The following KCNK10 variants were observed in gnomAD, a reference collection of about 807,000 sequenced individuals.
KCNK10 encodes the protein potassium channel subfamily K member 10.
A neutral mutation model predicts 47.7 loss-of-function variants in KCNK10; 25 were observed. The ratio of observed to expected loss-of-function variants is 0.52; its 90% CI spans 0.38 to 0.73. The LOEUF (loss-of-function observed/expected upper bound fraction) is 0.73, where lower values mean the gene tolerates loss of function less well. Ranked by LOEUF, KCNK10 falls within the 30% of genes least tolerant of loss-of-function variation. The pLI is 0.00. For synonymous variants in KCNK10, 303 were observed against 285.6 expected, an observed-to-expected ratio of 1.06 and a Z score of -0.61; for missense variants, 563 against 714.5, an observed-to-expected ratio of 0.79 and a Z score of 2.42.
At chr14:88,211,509 T>G (rs920581580) in intron 4 of KCNK10, among the ~76,000 whole-genome samples, 3 of 148,452 alleles carry the variant, frequency 2.0e-5, no homozygotes, top group African/African-American at 4.9e-5. Context: ...AATTTTATGT[T>G]GTGCACACTT....
rs553378213 is a variant in KCNK10 at position 88,277,534 on chromosome 14, C to T, written c.53-13983G>A. 9.2e-5 allele frequency among the ~76,000 whole-genome samples: 14 copies of T among 152,264 alleles called. No homozygotes were observed. The East Asian group carries it at 2.7e-3, about 29-fold the overall frequency. The stretch of plus-strand genomic sequence containing the variant: ...ATTCCTCATGGGGCTAGGGAGACAG[C>T]AATGTAGAAAACCTACAAATCCATT... On this transcript the variant is annotated intron_variant, in intron 1 of 6. Coordinates refer to ENST00000319231, the MANE Select transcript of KCNK10 (RefSeq NM_138317.3).
intron 1 of KCNK10, among the ~76,000 whole-genome samples, chr14:88,316,184 G>A (rs1281389255): frequency 6.6e-6 from 1 of 151,994 alleles, no homozygotes; most frequent in Non-Finnish European, 1.5e-5. Flanking sequence ...GGAAAAGAAT[G>A]CAATGCTCCC....
chr14:88,191,695 C>T (rs1417057301), intron 5 of KCNK10, among the ~76,000 whole-genome samples: 1 of 152,112 alleles, frequency 6.6e-6, no homozygotes, highest in Non-Finnish European at 1.5e-5. Flanking sequence ...AATCCATGAG[C>T]TTATATTCCC....
chr14:88,208,146 G>A (rs542499676), intron 4 of KCNK10, among the ~76,000 whole-genome samples: 72 of 152,272 alleles, frequency 4.7e-4, no homozygotes, highest in Non-Finnish European at 9.6e-4. Flanking sequence ...AGAAAATTTG[G>A]TTGGTGGGTT....
intron 1 of KCNK10, among the ~76,000 whole-genome samples, chr14:88,296,322 G>A (rs1887983445): frequency 6.6e-6 from 1 of 152,100 alleles, no homozygotes; most frequent in Non-Finnish European, 1.5e-5. Context: ...CCCTCTCTGA[G>A]CCCCAGTTTT....
At chr14:88,226,054 A>G (rs1885974078) in intron 4 of KCNK10, among the ~76,000 whole-genome samples, 1 of 152,246 alleles carries the variant, frequency 6.6e-6, no homozygotes, top group African/African-American at 2.4e-5. Context: ...CCTGCCCATG[A>G]GGGCTTCTCT....
intron 1 of KCNK10, among the ~76,000 whole-genome samples, chr14:88,308,702 C>T (rs1327757179): frequency 6.6e-6 from 1 of 152,200 alleles, no homozygotes; most frequent in Non-Finnish European, 1.5e-5. Context: ...GACACAAACT[C>T]CAGTCTCGTC....
Position 88,263,526 on chromosome 14 carries a change from C to A in KCNK10, c.78G>T (p.Val26=), listed in dbSNP as rs780369032. 1.2e-5 allele frequency: 19 copies of A among 1,612,256 alleles called. No homozygotes were observed. The highest frequency in any genetic ancestry group is 2.5e-6 in the Non-Finnish European group (3 of 1,179,884). The change falls in exon 2 of 7, where the codon GTG becomes GTT. Residue 26 remains valine, a synonymous_variant. Transcript: ENST00000319231. ...PKVAVPAAAP[V]CQPKSATNGQ... ...CGTTAGTGGCGCTCTTGGGCTGGCACACCGGTGCTGCTGCGGGAACGGCCA... is the reference window on the plus strand; with the variant it reads ...CGTTAGTGGCGCTCTTGGGCTGGCAAACCGGTGCTGCTGCGGGAACGGCCA...
chr14:88,287,674 GGTGT>G (rs199702993), intron 1 of KCNK10, among the ~76,000 whole-genome samples: 8,569 of 141,268 alleles, frequency 0.061, 479 homozygotes, highest in African/African-American at 0.15. Context: ...AGTATTCCAT[GGTGT>G]GTGTGTGTGT....
rs1476138061 is a variant in KCNK10 at position 88,232,290 on chromosome 14, A to T, written c.521-4755T>A. Among the ~76,000 whole-genome samples, 3 of 152,230 alleles carry T rather than the reference A, an allele frequency of 2.0e-5. No individual in the cohort carries two copies. In the East Asian group the frequency reaches 5.8e-4, roughly 29 times the overall value. ...GCAATATTACGTTGCAAATTTTATG[A>T]TCGCAAGGGAACAGGCCAATATTTG... is the stretch of plus-strand genomic sequence containing the variant. On this transcript the variant is annotated intron_variant, in intron 3 of 6. Transcript: ENST00000319231.
intron 3 of KCNK10, among the ~76,000 whole-genome samples, chr14:88,231,830 A>G: frequency 6.6e-6 from 1 of 152,218 alleles, no homozygotes; most frequent in East Asian, 1.9e-4. Context: ...ATCTCAGCAC[A>G]AGAAAAACCT....
chr14:88,261,608 G>A (rs1887113416), intron 2 of KCNK10, among the ~76,000 whole-genome samples: 1 of 152,128 alleles, frequency 6.6e-6, no homozygotes, highest in African/African-American at 2.4e-5. Context: ...GCAAAAAGTA[G>A]CCAGGCATGG....
intron 1 of KCNK10, among the ~76,000 whole-genome samples, chr14:88,311,731 C>T (rs541683804): frequency 2.6e-5 from 4 of 152,062 alleles, no homozygotes; most frequent in Non-Finnish European, 5.9e-5. Context: ...CATAATGAAT[C>T]CTTGTGGATC....
At chr14:88,310,238 T>TTTG (rs1436738691) in intron 1 of KCNK10, among the ~76,000 whole-genome samples, 1 of 145,968 alleles carries the variant, frequency 6.9e-6, no homozygotes, top group Non-Finnish European at 1.5e-5. Flanking sequence ...TGATATACCA[T>TTTG]ATAAATGATA....
rs201765076 is a variant in KCNK10, at chr14:88,246,524, CA to C, written c.403-5705del. Reference sequence around the variant, plus strand: ...CAATTACTTTTTCTTTCACCTGCTTCAGAAGTATTTCACATATAAATATTCC... The same window carrying C: ...CAATTACTTTTTCTTTCACCTGCTTCGAAGTATTTCACATATAAATATTCC... On this transcript the variant is annotated intron_variant, in intron 2 of 6. Coordinates refer to ENST00000319231, the MANE Select transcript of KCNK10 (RefSeq NM_138317.3). Among the ~76,000 whole-genome samples the C allele has an allele frequency of 6.1e-3, 930 of 152,326 alleles. 10 individuals are homozygous for C. The highest frequency in any genetic ancestry group is 0.021 in the African/African-American group (891 of 41,546).
intron 1 of KCNK10, among the ~76,000 whole-genome samples, chr14:88,265,712 G>C (rs565438262): frequency 5.9e-5 from 9 of 152,162 alleles, no homozygotes; most frequent in Non-Finnish European, 1.2e-4. Context: ...TTGGGGGAGT[G>C]ACCCCGTGGG....
intron 4 of KCNK10, among the ~76,000 whole-genome samples, chr14:88,209,545 A>G (rs750685396): frequency 2.0e-4 from 31 of 152,226 alleles, no homozygotes; most frequent in Non-Finnish European, 3.4e-4. Context: ...GCCTTTCGAA[A>G]GGGCTCGCTG....
intron 1 of KCNK10, among the ~76,000 whole-genome samples, chr14:88,267,702 A>G (rs1323258802): frequency 6.6e-6 from 1 of 152,176 alleles, no homozygotes; most frequent in Non-Finnish European, 1.5e-5. Flanking sequence ...TGGCATTTTC[A>G]TTAATCCATT....
At chr14:88,196,212 C>A (rs1884908662) in intron 4 of KCNK10, among the ~76,000 whole-genome samples, 1 of 152,218 alleles carries the variant, frequency 6.6e-6, no homozygotes, top group Non-Finnish European at 1.5e-5. Flanking sequence ...TTTAAGTACT[C>A]AAAACCCATC....
Sources: allele counts gnomAD v4.1 joint callset (sites outside exome capture counted in the v4.1 genomes callset), GRCh38; gene constraint gnomAD v4.1.1; transcripts MANE v1.5; gene names NCBI Gene and HGNC (gene_info 2026-07-23, HGNC 2026-07-21).